The following PPP4R1 variants were observed in gnomAD, a reference collection of about 807,000 sequenced individuals.
The protein encoded by PPP4R1 is serine/threonine-protein phosphatase 4 regulatory subunit 1.
A neutral mutation model predicts 111.2 loss-of-function variants in PPP4R1; 42 were observed. That is an observed-to-expected ratio of 0.38 (90% CI 0.29 to 0.49). The LOEUF (loss-of-function observed/expected upper bound fraction) is 0.49. Among genes scored for constraint, PPP4R1 ranks in the 20% least tolerant of loss-of-function variants. The pLI, the probability that PPP4R1 is intolerant of heterozygous loss-of-function variation, is 0.97. For missense variants in PPP4R1, 1,012 were observed against 1,161.6 expected, an observed-to-expected ratio of 0.87 and a Z score of 1.87; for synonymous variants, 409 against 405.5, an observed-to-expected ratio of 1.01 and a Z score of -0.10.
chr18:9,585,837 G>C (rs2067106646), intron 6 of PPP4R1, among the ~76,000 whole-genome samples: 2 of 152,064 alleles, frequency 1.3e-5, no homozygotes, highest in Non-Finnish European at 2.9e-5. Context: ...AGAACTTTCT[G>C]CTGAAAACTA....
chr18:9,609,582 C>A (rs1056483283), intron 2 of PPP4R1, among the ~76,000 whole-genome samples: 3 of 152,198 alleles, frequency 2.0e-5, no homozygotes, highest in African/African-American at 2.4e-5. Flanking sequence ...TGAAAAAAGT[C>A]TGTTGTATGG....
intron 2 of PPP4R1, among the ~76,000 whole-genome samples, chr18:9,608,488 T>C (rs909893050): frequency 5.9e-5 from 9 of 152,204 alleles, no homozygotes; most frequent in African/African-American, 1.9e-4. Flanking sequence ...GAAGCTAAGA[T>C]GACTTAAAAG....
intron 2 of PPP4R1, among the ~76,000 whole-genome samples, chr18:9,601,546 T>A (rs756729354): frequency 2.6e-5 from 4 of 151,992 alleles, no homozygotes; most frequent in Non-Finnish European, 5.9e-5. Context: ...AAATAATTTT[T>A]TTAAAAAGTG....
At chr18:9,604,691 T>C (rs192292918) in intron 2 of PPP4R1, among the ~76,000 whole-genome samples, 7 of 152,326 alleles carry the variant, frequency 4.6e-5, no homozygotes, top group Middle Eastern at 3.4e-3. Context: ...CCCTTGCTTT[T>C]ACTCCACCAA....
chr18:9,553,784 T>C (rs757317656), intron 15 of PPP4R1, among the ~76,000 whole-genome samples: 2 of 152,242 alleles, frequency 1.3e-5, no homozygotes, highest in Non-Finnish European at 2.9e-5. Flanking sequence ...ACCACGTGTG[T>C]AAGCCCTGCG....
At chr18:9,553,230 C>G in intron 16 of PPP4R1, 92 bp downstream of exon 16, 2 of 995,364 alleles carry the variant, frequency 2.0e-6, no homozygotes, top group South Asian at 3.0e-5. Context: ...AAACTTGGAT[C>G]TACACAAAGT....
chr18:9,605,719 T>C (rs957622048), intron 2 of PPP4R1, among the ~76,000 whole-genome samples: 2 of 152,148 alleles, frequency 1.3e-5, no homozygotes, highest in African/African-American at 2.4e-5. Context: ...TTGTAAGTAA[T>C]GTCCTTACAG....
chr18:9,585,994 G>A (rs1419266693), intron 6 of PPP4R1, among the ~76,000 whole-genome samples: 12 of 152,018 alleles, frequency 7.9e-5, no homozygotes, highest in Non-Finnish European at 1.6e-4. Context: ...TAGAGATAAC[G>A]CCTACATCTC....
In PPP4R1 at chr18:9,564,504, A is replaced by G. The variant is rs73939882; in HGVS notation, c.1574-954T>C. Among the ~76,000 whole-genome samples, 1,396 of 152,310 alleles carry G rather than the reference A, an allele frequency of 9.2e-3. 23 individuals are homozygous for G. Among genetic ancestry groups the G allele is most frequent in the African/African-American group, 0.032 (1,323 of 41,566 alleles). On this transcript the variant is annotated intron_variant, in intron 11 of 19. Coordinates refer to ENST00000400556, the MANE Select transcript of PPP4R1 (RefSeq NM_001042388.3). Reference sequence around the variant, plus strand: ...TTACTTGCTAACTTAAGAAAATTGAACATATTCACTCACAAAAAGTTGTAG... The same window carrying G: ...TTACTTGCTAACTTAAGAAAATTGAGCATATTCACTCACAAAAAGTTGTAG...
chr18:9,576,927 T>C (rs2066945457), intron 10 of PPP4R1, 137 bp downstream of exon 10: 1 of 900,372 alleles, frequency 1.1e-6, no homozygotes, highest in African/African-American at 1.7e-5. Context: ...ATAAAAATAT[T>C]CACCAATTTT....
At chr18:9,581,505 A>C (rs1307130443) in intron 9 of PPP4R1, among the ~76,000 whole-genome samples, 1 of 152,056 alleles carries the variant, frequency 6.6e-6, no homozygotes, top group Non-Finnish European at 1.5e-5. Context: ...AAGATAGATC[A>C]ATAGAGATTA....
chr18:9,562,803 C>T, intron 12 of PPP4R1: 1 of 921,542 alleles, frequency 1.1e-6, no homozygotes, highest in African/African-American at 1.8e-5. Flanking sequence ...TAAACAATGG[C>T]TAAGCAGCAC....
At chr18:9,600,196 CAAAAAAAAAAAAAA>C (rs57840721) in intron 2 of PPP4R1, among the ~76,000 whole-genome samples, 1 of 109,286 alleles carries the variant, frequency 9.2e-6, no homozygotes, top group African/African-American at 3.5e-5. Flanking sequence ...TTCTATTTCC[CAAAAAAAAAAAAAA>C]AAAAAAAAAT....
chr18:9,581,697 C>T (rs974596224), intron 9 of PPP4R1, among the ~76,000 whole-genome samples: 4 of 152,056 alleles, frequency 2.6e-5, no homozygotes, highest in Non-Finnish European at 4.4e-5. Flanking sequence ...TATTGAAAAA[C>T]GTAACTTACA....
At chr18:9,554,509 A>G (rs1454759556) in intron 15 of PPP4R1, among the ~76,000 whole-genome samples, 1 of 152,148 alleles carries the variant, frequency 6.6e-6, no homozygotes, top group African/African-American at 2.4e-5. Context: ...TAAAGTGAAG[A>G]GAGAAAACGG....
intron 2 of PPP4R1, among the ~76,000 whole-genome samples, chr18:9,606,235 C>T (rs952247892): frequency 4.6e-5 from 7 of 152,046 alleles, no homozygotes; most frequent in Non-Finnish European, 1.0e-4. Flanking sequence ...TGTTACAGAC[C>T]TTGGATTTTA....
At chr18:9,571,663 C>G (rs2066863096) in intron 10 of PPP4R1, among the ~76,000 whole-genome samples, 1 of 152,056 alleles carries the variant, frequency 6.6e-6, no homozygotes, top group East Asian at 1.9e-4. Context: ...TTAGAAGAAC[C>G]AATACATGTT....
At chr18:9,586,196 G>A (rs1480808489) in intron 6 of PPP4R1, among the ~76,000 whole-genome samples, 1 of 151,212 alleles carries the variant, frequency 6.6e-6, no homozygotes, top group Non-Finnish European at 1.5e-5. Flanking sequence ...GAAAATATGG[G>A]AGCCATGGAA....
intron 4 of PPP4R1, among the ~76,000 whole-genome samples, chr18:9,589,128 C>T (rs147893998): frequency 1.8e-3 from 273 of 152,258 alleles, no homozygotes; most frequent in African/African-American, 6.2e-3. Context: ...TTATTCATCA[C>T]CTACACTGTG....
Sources: gnomAD v4.1 joint callset for allele counts (sites outside exome capture counted in the v4.1 genomes callset) on GRCh38, gnomAD v4.1.1 for gene constraint, MANE v1.5 for transcripts, NCBI Gene and HGNC (gene_info 2026-07-23, HGNC 2026-07-21) for gene names.